Variants in ARMH4 observed in about 807,000 individuals in gnomAD.
The protein encoded by ARMH4 is armadillo-like helical domain-containing protein 4.
In ARMH4, 49 loss-of-function variants were observed where a neutral mutation model predicts 61.9. That is an observed-to-expected ratio of 0.79 (90% CI 0.63 to 1.00). The LOEUF is 1.00. Ranked by LOEUF, ARMH4 falls within the 50% of genes least tolerant of loss-of-function variation. The probability of loss-of-function intolerance (pLI) is 0.00; values close to 1 mark genes in which losing one functional copy is unlikely to be tolerated. For missense variants in ARMH4, 934 were observed against 930.0 expected, an observed-to-expected ratio of 1.00 and a Z score of -0.06; for synonymous variants, 368 against 341.5, an observed-to-expected ratio of 1.08 and a Z score of -0.85.
intron 4 of ARMH4, among the ~76,000 whole-genome samples, chr14:58,123,485 A>G (rs1377649999): frequency 6.6e-6 from 1 of 152,138 alleles, no homozygotes; most frequent in Non-Finnish European, 1.5e-5. Context: ...CTCCAATTTT[A>G]GGAGTACAGA....
At chr14:58,080,159 C>T (rs948853085) in intron 5 of ARMH4, among the ~76,000 whole-genome samples, 7 of 151,004 alleles carry the variant, frequency 4.6e-5, no homozygotes, top group South Asian at 2.1e-4. Context: ...GATGGAGTTT[C>T]GCTCTTGTTG....
chr14:58,087,683 T>C (rs7492608), intron 5 of ARMH4, among the ~76,000 whole-genome samples: 63,220 of 151,968 alleles, frequency 0.42, 13,534 homozygotes, highest in Non-Finnish European at 0.47. Context: ...CTGCCTGAGA[T>C]TTTTGGTGTG....
At chr14:58,050,725 A>C (rs1032255579) in intron 5 of ARMH4, among the ~76,000 whole-genome samples, 2 of 152,066 alleles carry the variant, frequency 1.3e-5, no homozygotes, top group African/African-American at 2.4e-5. Context: ...TTTAGTGTGC[A>C]GGTCAACAAT....
chr14:58,043,733 A>G (rs1471295302), intron 5 of ARMH4, among the ~76,000 whole-genome samples: 2 of 152,230 alleles, frequency 1.3e-5, no homozygotes, highest in Non-Finnish European at 1.5e-5. Flanking sequence ...AATCTCCTTA[A>G]GCTGATAGGC....
chr14:58,140,802 C>G (rs1291766723), intron 1 of ARMH4, among the ~76,000 whole-genome samples: 1 of 152,058 alleles, frequency 6.6e-6, no homozygotes, highest in African/African-American at 2.4e-5. Flanking sequence ...CCTTGGGAGG[C>G]TGAGGAAGGA....
At chr14:58,111,337 C>G (rs1315714610) in intron 4 of ARMH4, among the ~76,000 whole-genome samples, 1 of 151,980 alleles carries the variant, frequency 6.6e-6, no homozygotes, top group Admixed American at 6.5e-5. Flanking sequence ...TTAAAAGGTA[C>G]AGAAATACCA....
chr14:58,005,136 G>C lies in ARMH4; in HGVS notation c.2168C>G (p.Ala723Gly), dbSNP rs770652987. ...GGCTCCCAAGATGAACAAGGCTCCA[G>C]CTATCCCAACCCCTACAGGCACCAG... ...GMLVPVGVGI[A>G]GALFILGALY... Residue 723 changes from alanine (A) to glycine (G), a missense_variant, in exon 7 of 8, where the codon GCT becomes GGT. Transcript: ENST00000267485. 1 of 1,613,986 alleles carries C rather than the reference G, an allele frequency of 6.2e-7. No homozygotes were observed. The highest frequency in any genetic ancestry group is 8.5e-7 in the Non-Finnish European group (1 of 1,179,952).
intron 5 of ARMH4, among the ~76,000 whole-genome samples, chr14:58,093,200 G>A (rs547737636): frequency 2.0e-5 from 3 of 152,282 alleles, no homozygotes; most frequent in African/African-American, 7.2e-5. Context: ...CTGCAGAACT[G>A]TGAGTCAATT....
chr14:58,120,110 T>C (rs1026617300), intron 4 of ARMH4, among the ~76,000 whole-genome samples: 1 of 152,044 alleles, frequency 6.6e-6, no homozygotes, highest in African/African-American at 2.4e-5. Context: ...GGCTATAAGG[T>C]ATAGCCTATT....
chr14:58,005,188 T>C lies in ARMH4; in HGVS notation c.2122-6A>G, dbSNP rs559123078. ...ATCCCAGACATGTAACCAGCCTGCA[T>C]AGAAAAGGAAACACACATTAGGATG... is the stretch of plus-strand genomic sequence containing the variant. On this transcript the variant is annotated splice_region_variant and splice_polypyrimidine_tract_variant and intron_variant, in intron 6 of 7. Transcript: ENST00000267485. 187 of 1,613,784 alleles carry C rather than the reference T, an allele frequency of 1.2e-4. No individual in the cohort carries two copies. Among genetic ancestry groups the C allele is most frequent in the Non-Finnish European group, 1.5e-4 (182 of 1,179,866 alleles).
At chr14:58,053,794 C>T (rs1029846489) in intron 5 of ARMH4, among the ~76,000 whole-genome samples, 3 of 152,192 alleles carry the variant, frequency 2.0e-5, no homozygotes, top group African/African-American at 7.2e-5. Flanking sequence ...GCCTCCATAA[C>T]TTTTGTTAGT....
At chr14:58,132,466 C>CA (rs1348901787) in intron 3 of ARMH4, among the ~76,000 whole-genome samples, 1 of 152,082 alleles carries the variant, frequency 6.6e-6, no homozygotes, top group Non-Finnish European at 1.5e-5. Flanking sequence ...CCTCATCCCC[C>CA]CCGGCTCCTA....
intron 5 of ARMH4, among the ~76,000 whole-genome samples, chr14:58,068,307 C>T (rs1156459966): frequency 6.6e-6 from 1 of 152,004 alleles, no homozygotes; most frequent in Non-Finnish European, 1.5e-5. Context: ...AATATTCCCA[C>T]CTTAAGCTTT....
At chr14:58,087,016 G>T (rs1395001564) in intron 5 of ARMH4, among the ~76,000 whole-genome samples, 2 of 152,166 alleles carry the variant, frequency 1.3e-5, no homozygotes, top group African/African-American at 4.8e-5. Flanking sequence ...AGCACACAGA[G>T]ATCCCTAAAT....
chr14:58,083,017 G>A (rs72714800), intron 5 of ARMH4, among the ~76,000 whole-genome samples: 11,445 of 152,194 alleles, frequency 0.075, 511 homozygotes, highest in Middle Eastern at 0.14. Context: ...CTCCTGGCTA[G>A]CTGCAGAGGA....
intron 4 of ARMH4, among the ~76,000 whole-genome samples, chr14:58,109,017 T>C (rs1886259719): frequency 6.6e-6 from 1 of 152,234 alleles, no homozygotes; most frequent in African/African-American, 2.4e-5. Flanking sequence ...TCTGTCATTT[T>C]TCCGCTGATT....
intron 4 of ARMH4, among the ~76,000 whole-genome samples, chr14:58,120,591 C>T (rs1251257632): frequency 1.3e-5 from 2 of 152,092 alleles, no homozygotes; most frequent in African/African-American, 2.4e-5. Flanking sequence ...TGACACAGCC[C>T]GCAGGAGGTT....
intron 1 of ARMH4, among the ~76,000 whole-genome samples, chr14:58,148,937 C>T (rs1432443986): frequency 1.3e-5 from 2 of 151,902 alleles, no homozygotes; most frequent in Non-Finnish European, 1.5e-5. Flanking sequence ...AACATGCTTG[C>T]CAAATACCAT....
In ARMH4 at chr14:58,032,877, A is replaced by C. The variant is rs560166144; in HGVS notation, c.2090-20727T>G. 1.1e-3 allele frequency among the ~76,000 whole-genome samples: 170 copies of C among 152,140 alleles called. 1 individual carries two copies. The highest frequency in any genetic ancestry group is 4.6e-3 in the South Asian group (22 of 4,800). ...CAAACGGCGCACCACGAGACTATAT[A>C]CCACACCTGGCTCGGAGGGTCCTAC... is the stretch of plus-strand genomic sequence containing the variant. On this transcript the variant is annotated intron_variant, in intron 5 of 7. Transcript: ENST00000267485.
Sources: allele counts gnomAD v4.1 joint callset (sites outside exome capture counted in the v4.1 genomes callset), GRCh38; gene constraint gnomAD v4.1.1; transcripts MANE v1.5; gene names NCBI Gene and HGNC (gene_info 2026-07-23, HGNC 2026-07-21).